Variants in BRINP3 observed in about 807,000 individuals in gnomAD.
The protein encoded by BRINP3 is BMP/retinoic acid inducible neural specific 3.
Under a neutral mutation model 71.0 loss-of-function variants are expected in BRINP3, and 19 were observed. That is an observed-to-expected ratio of 0.27 (90% CI 0.19 to 0.39). The LOEUF (loss-of-function observed/expected upper bound fraction) is 0.39. Among genes scored for constraint, BRINP3 ranks in the 10% least tolerant of loss-of-function variants. The probability of loss-of-function intolerance (pLI) is 1.00; values close to 1 mark genes in which losing one functional copy is unlikely to be tolerated. For missense variants in BRINP3, 959 were observed against 940.8 expected, an observed-to-expected ratio of 1.02 and a Z score of -0.25; for synonymous variants, 380 against 337.7, an observed-to-expected ratio of 1.13 and a Z score of -1.37.
At chr1:190,404,220 C>A (rs1485126230) in intron 2 of BRINP3, among the ~76,000 whole-genome samples, 1 of 151,972 alleles carries the variant, frequency 6.6e-6, no homozygotes, top group African/African-American at 2.4e-5. Flanking sequence ...CAGTATGTAG[C>A]AAATAATAAC....
chr1:190,445,501 AATCACT>A (rs1281979226), intron 2 of BRINP3, among the ~76,000 whole-genome samples: 1 of 152,008 alleles, frequency 6.6e-6, no homozygotes, highest in African/African-American at 2.4e-5. Context: ...TCATAATGCA[AATCACT>A]TTTTTCTCAT....
At chr1:190,221,968 C>A (rs749382205) in intron 6 of BRINP3, among the ~76,000 whole-genome samples, 11 of 151,888 alleles carry the variant, frequency 7.2e-5, no homozygotes, top group Non-Finnish European at 1.5e-4. Context: ...AAAATAACAG[C>A]AGGGGAATTT....
intron 6 of BRINP3, among the ~76,000 whole-genome samples, chr1:190,173,389 G>A (rs1364712713): frequency 6.6e-6 from 1 of 152,230 alleles, no homozygotes; most frequent in Non-Finnish European, 1.5e-5. Flanking sequence ...GCTTTCCTGT[G>A]TCCTTTGGAG....
chr1:190,419,967 G>A (rs1400817051), intron 2 of BRINP3, among the ~76,000 whole-genome samples: 1 of 152,078 alleles, frequency 6.6e-6, no homozygotes, highest in South Asian at 2.1e-4. Flanking sequence ...TATCAGCTGT[G>A]TTGGTATAAT....
chr1:190,316,428 T>G (rs1378706927), intron 2 of BRINP3, among the ~76,000 whole-genome samples: 4 of 152,110 alleles, frequency 2.6e-5, no homozygotes, highest in Admixed American at 2.6e-4. Flanking sequence ...ATTGCTATTC[T>G]GAGACAAAAT....
At chr1:190,102,762 G>A (rs749348499) in intron 7 of BRINP3, among the ~76,000 whole-genome samples, 1 of 151,890 alleles carries the variant, frequency 6.6e-6, no homozygotes, top group Non-Finnish European at 1.5e-5. Context: ...CCATGATTTC[G>A]ACCAATTCAA....
intron 7 of BRINP3, among the ~76,000 whole-genome samples, chr1:190,133,804 G>A (rs920930305): frequency 1.6e-4 from 24 of 152,014 alleles, no homozygotes; most frequent in African/African-American, 5.8e-4. Flanking sequence ...TGGAAGTCAG[G>A]ATAAGGGATT....
chr1:190,365,834 AT>A, intron 2 of BRINP3, among the ~76,000 whole-genome samples: 1 of 145,752 alleles, frequency 6.9e-6, no homozygotes, highest in African/African-American at 2.5e-5. Flanking sequence ...ATATATATAT[AT>A]ACACACACAC....
chr1:190,127,843 G>A (rs998804866), intron 7 of BRINP3, among the ~76,000 whole-genome samples: 1 of 151,730 alleles, frequency 6.6e-6, no homozygotes, highest in African/African-American at 2.4e-5. Context: ...AGTGAATGAT[G>A]AACTTTTTTC....
At chr1:190,444,187 C>T (rs1162958382) in intron 2 of BRINP3, among the ~76,000 whole-genome samples, 2 of 128,886 alleles carry the variant, frequency 1.6e-5, no homozygotes, top group East Asian at 2.5e-4. Context: ...AGTGACCGGA[C>T]GACATTGTGC....
chr1:190,372,192 G>A (rs1453949224), intron 2 of BRINP3, among the ~76,000 whole-genome samples: 1 of 152,144 alleles, frequency 6.6e-6, no homozygotes, highest in East Asian at 1.9e-4. Context: ...AAGGCTGGAA[G>A]GGACCTCAGA....
intron 6 of BRINP3, among the ~76,000 whole-genome samples, chr1:190,186,951 G>T (rs1006689905): frequency 6.6e-6 from 1 of 152,132 alleles, no homozygotes; most frequent in Admixed American, 6.6e-5. Context: ...AAATAGATCT[G>T]TATCTTCCTT....
intron 7 of BRINP3, among the ~76,000 whole-genome samples, chr1:190,128,938 T>C (rs889088012): frequency 1.3e-5 from 2 of 151,776 alleles, no homozygotes; most frequent in African/African-American, 4.8e-5. Flanking sequence ...CAGTAGAACA[T>C]ACAAAATAAT....
At chr1:190,333,476 C>T (rs1571775255) in intron 2 of BRINP3, among the ~76,000 whole-genome samples, 1 of 151,820 alleles carries the variant, frequency 6.6e-6, no homozygotes, top group African/African-American at 2.4e-5. Flanking sequence ...GAAGCATATG[C>T]ACATCTTAAT....
At chr1:190,379,563 C>A (rs1286315459) in intron 2 of BRINP3, among the ~76,000 whole-genome samples, 1 of 152,034 alleles carries the variant, frequency 6.6e-6, no homozygotes, top group African/African-American at 2.4e-5. Flanking sequence ...AAAACATATT[C>A]TGGATTAAAT....
intron 4 of BRINP3, among the ~76,000 whole-genome samples, chr1:190,243,980 C>A (rs936690692): frequency 1.3e-5 from 2 of 152,050 alleles, no homozygotes; most frequent in East Asian, 3.9e-4. Context: ...TCTCTCATCA[C>A]CCCCAGATGG....
chr1:190,216,324 T>A (rs980996705), intron 6 of BRINP3, among the ~76,000 whole-genome samples: 9 of 151,642 alleles, frequency 5.9e-5, no homozygotes, highest in Non-Finnish European at 1.0e-4. Context: ...GTTTTGTGTG[T>A]TTCATTTTTT....
chr1:190,180,858 A>C (rs1214383641), intron 6 of BRINP3, among the ~76,000 whole-genome samples: 1 of 152,092 alleles, frequency 6.6e-6, no homozygotes, highest in Non-Finnish European at 1.5e-5. Flanking sequence ...GTTACAAAAA[A>C]AGTACAGACA....
At position 190,345,670 on chromosome 1, in the gene BRINP3, G is replaced by T. The variant is rs118064514; in HGVS notation, c.237-63920C>A. Among the ~76,000 whole-genome samples, 62 of 103,654 alleles carry T rather than the reference G, an allele frequency of 6.0e-4. 1 individual carries two copies. In the East Asian group the frequency reaches 0.016, roughly 27 times the overall value. 68.0% of individuals were successfully genotyped at this position (103,654 alleles called of 152,430 possible). On this transcript the variant is annotated intron_variant, in intron 2 of 7. Transcript: ENST00000367462. ...TAACTTGAAAAACCTGTCATGGAAA[G>T]AATTAAATTACCGAAATCAACAACC... is the stretch of plus-strand genomic sequence containing the variant.
Sources: gnomAD v4.1 joint callset for allele counts (sites outside exome capture counted in the v4.1 genomes callset) on GRCh38, gnomAD v4.1.1 for gene constraint, MANE v1.5 for transcripts, NCBI Gene and HGNC (gene_info 2026-07-23, HGNC 2026-07-21) for gene names.